The following FYN variants were observed in gnomAD, a reference collection of about 807,000 sequenced individuals.
FYN encodes the protein FYN proto-oncogene, Src family tyrosine kinase.
Under a neutral mutation model 70.2 loss-of-function variants are expected in FYN, and 10 were observed. The ratio of observed to expected loss-of-function variants is 0.14; its 90% confidence interval spans 0.09 to 0.24. The LOEUF is 0.24. Ranked by LOEUF, FYN falls within the 10% of genes least tolerant of loss-of-function variation. The probability of loss-of-function intolerance (pLI) is 1.00; values close to 1 mark genes in which losing one functional copy is unlikely to be tolerated. For synonymous variants in FYN, 236 were observed against 248.6 expected, an observed-to-expected ratio of 0.95 and a Z score of 0.48; for missense variants, 319 against 673.1, an observed-to-expected ratio of 0.47 and a Z score of 5.82.
In FYN at chr6:111,787,508, A is replaced by T. The variant is rs955506553; in HGVS notation, c.-81-6873T>A. ...TGAAGTCAGGTAGCGTGATGCCTCC[A>T]GGCAAAGACAGGATTTTAACTCAAG... On this transcript the variant is annotated intron_variant, in intron 2 of 13. Transcript: ENST00000354650. Among the ~76,000 whole-genome samples, 16 of 152,220 alleles carry T rather than the reference A, an allele frequency of 1.1e-4. 1 individual carries two copies. Among genetic ancestry groups the T allele is most frequent in the Non-Finnish European group, 5.9e-5 (4 of 68,044 alleles).
intron 2 of FYN, among the ~76,000 whole-genome samples, chr6:111,781,844 C>T (rs979312171): frequency 6.6e-6 from 1 of 152,174 alleles, no homozygotes; most frequent in Non-Finnish European, 1.5e-5. Context: ...GAACATCTTT[C>T]AATACTTAAA....
At chr6:111,751,982 T>C (rs2128487702) in intron 3 of FYN, among the ~76,000 whole-genome samples, 1 of 152,326 alleles carries the variant, frequency 6.6e-6, no homozygotes, top group South Asian at 2.1e-4. Context: ...TTCTCAGATT[T>C]ATATTCCTAA....
chr6:111,799,315 G>A (rs1771910285), intron 2 of FYN, among the ~76,000 whole-genome samples: 1 of 152,168 alleles, frequency 6.6e-6, no homozygotes, highest in South Asian at 2.1e-4. Flanking sequence ...CTCCCAAACT[G>A]AACTCACTTC....
chr6:111,851,068 T>C (rs1773672052), intron 1 of FYN, among the ~76,000 whole-genome samples: 1 of 152,134 alleles, frequency 6.6e-6, no homozygotes, highest in Non-Finnish European at 1.5e-5. Flanking sequence ...CAAGGTACAG[T>C]GATATGTGCA....
In FYN at chr6:111,661,940, G is replaced by A; in HGVS notation, c.1413C>T (p.Asn471=). ...CCACCTGCTCCAGCACCTCCCGGTT[G>A]TTCATGCCTGCAAAGACAAGCGCAG... ...TKGRVPYPGM[N]NREVLEQVER... Residue 471 remains asparagine (N), a synonymous_variant, in exon 14 of 14, where the codon AAC becomes AAT. Coordinates refer to ENST00000354650, the MANE Select transcript of FYN (RefSeq NM_002037.5). The surrounding 1 kb of genome is among the most constrained non-coding windows in gnomAD (Gnocchi z 4.0). 6.2e-7 allele frequency: 1 copy of A among 1,609,494 alleles called. No individual in the cohort carries two copies. The highest frequency in any genetic ancestry group is 8.5e-7 in the Non-Finnish European group (1 of 1,177,500).
intron 3 of FYN, among the ~76,000 whole-genome samples, chr6:111,738,074 A>C (rs1364867385): frequency 1.3e-5 from 2 of 152,184 alleles, no homozygotes; most frequent in East Asian, 3.8e-4. Flanking sequence ...TGCAATTCCA[A>C]CATAAAGTGA....
At chr6:111,791,009 A>T (rs73766730) in intron 2 of FYN, among the ~76,000 whole-genome samples, 11,055 of 152,052 alleles carry the variant, frequency 0.073, 1,012 homozygotes, top group African/African-American at 0.22. Flanking sequence ...TGAACCACCA[A>T]TTTTTTTTGT....
intron 2 of FYN, among the ~76,000 whole-genome samples, chr6:111,781,461 A>G (rs1218410000): frequency 6.6e-6 from 1 of 152,110 alleles, no homozygotes; most frequent in Non-Finnish European, 1.5e-5. Flanking sequence ...ATCCTTTCTA[A>G]ACACAACCTA....
chr6:111,724,463 A>G (rs569287505), intron 3 of FYN, among the ~76,000 whole-genome samples: 2 of 152,210 alleles, frequency 1.3e-5, no homozygotes, highest in Non-Finnish European at 2.9e-5. Flanking sequence ...AGACACATTC[A>G]TATTTCGTCA....
At chr6:111,837,586 A>AC (rs1773227758) in intron 2 of FYN, among the ~76,000 whole-genome samples, 1 of 152,220 alleles carries the variant, frequency 6.6e-6, no homozygotes, top group African/African-American at 2.4e-5. Flanking sequence ...GAAAGGGGGT[A>AC]CAACAAGTAG....
chr6:111,853,930 A>G (rs1370889611), intron 1 of FYN, among the ~76,000 whole-genome samples: 2 of 152,216 alleles, frequency 1.3e-5, no homozygotes, highest in East Asian at 1.9e-4. Flanking sequence ...GGAAAGATCA[A>G]GACTAGAGAA....
At chr6:111,674,679 G>A in intron 12 of FYN, 49 bp from the exon 13 acceptor site, 1 of 1,584,746 alleles carries the variant, frequency 6.3e-7, no homozygotes, top group Non-Finnish European at 8.6e-7. Flanking sequence ...CACTGCAATG[G>A]GCATGGGGTG....
chr6:111,729,850 T>C (rs1294989952), intron 3 of FYN, among the ~76,000 whole-genome samples: 2 of 152,230 alleles, frequency 1.3e-5, no homozygotes, highest in African/African-American at 2.4e-5. Context: ...GCAACTGTTC[T>C]TTCTTTGCTC....
chr6:111,673,786 T>C (rs1460263344), intron 13 of FYN, among the ~76,000 whole-genome samples: 1 of 152,190 alleles, frequency 6.6e-6, no homozygotes, highest in East Asian at 1.9e-4. Flanking sequence ...TGAAATGGCA[T>C]GGGTGTCCTT....
In FYN at chr6:111,755,573, C is replaced by G. The variant is rs564881305; in HGVS notation, c.-12+24993G>C. On this transcript the variant is annotated intron_variant, in intron 3 of 13. Coordinates refer to ENST00000354650, the MANE Select transcript of FYN (RefSeq NM_002037.5). ...CACAGCCCCCATCGGAGAATATGCACTAAAGAAATTCACGGAATATTTAAA... is the reference window on the plus strand; with the variant it reads ...CACAGCCCCCATCGGAGAATATGCAGTAAAGAAATTCACGGAATATTTAAA... Among the ~76,000 whole-genome samples, 13 of 152,260 alleles carry G rather than the reference C, an allele frequency of 8.5e-5. 1 individual carries two copies. In the East Asian group the frequency reaches 2.3e-3, roughly 27 times the overall value.
intron 3 of FYN, among the ~76,000 whole-genome samples, chr6:111,765,776 A>T (rs948937887): frequency 2.6e-4 from 8 of 31,362 alleles, no homozygotes; most frequent in East Asian, 7.9e-3. Flanking sequence ...CTAGAAATTA[A>T]AAAAAAAAAA....
At chr6:111,823,430 CA>C (rs1443572456) in intron 2 of FYN, among the ~76,000 whole-genome samples, 8 of 152,176 alleles carry the variant, frequency 5.3e-5, no homozygotes, top group Non-Finnish European at 1.2e-4. Flanking sequence ...CTGGACTAGA[CA>C]AAATATGGGG....
intron 9 of FYN, among the ~76,000 whole-genome samples, chr6:111,699,227 T>C (rs367632023): frequency 6.6e-6 from 1 of 152,220 alleles, no homozygotes; most frequent in African/African-American, 2.4e-5. Flanking sequence ...GTCTTTCTTA[T>C]GGCTGCCCAT....
In FYN at chr6:111,789,254, G is replaced by C. The variant is rs544353191; in HGVS notation, c.-81-8619C>G. Among the ~76,000 whole-genome samples, 10 of 152,298 alleles carry C rather than the reference G, an allele frequency of 6.6e-5. No homozygotes were observed. In the South Asian group the frequency reaches 1.9e-3, roughly 28 times the overall value. The stretch of plus-strand genomic sequence containing the variant: ...TATAAGCTCATGCTCAGCTGCCCTA[G>C]AGGCCAGGTGTAGGGGTCCCAGCAT... On this transcript the variant is annotated intron_variant, in intron 2 of 13. Transcript: ENST00000354650.
Sources: allele counts gnomAD v4.1 joint callset (sites outside exome capture counted in the v4.1 genomes callset), GRCh38; gene constraint gnomAD v4.1.1; non-coding constraint Gnocchi (gnomAD v3.1); transcripts MANE v1.5; gene names NCBI Gene and HGNC (gene_info 2026-07-23, HGNC 2026-07-21).